Variants in GJC3 observed in about 807,000 individuals in gnomAD.
GJC3 encodes gap junction gamma-3 protein.
Under a neutral mutation model 19.8 loss-of-function variants are expected in GJC3, and 17 were observed. The observed-to-expected ratio is 0.86, with a 90% CI of 0.59 to 1.29. The LOEUF is 1.29. Ranked by LOEUF, GJC3 falls within the 50% of genes most tolerant of loss-of-function variation. The pLI is 0.00. For missense variants in GJC3, 317 were observed against 332.5 expected (o/e 0.95, Z 0.36); for synonymous variants, 140 against 136.5 (o/e 1.03, Z -0.18).
At position 99,923,405 on chromosome 7, in the gene GJC3, G is replaced by T. The variant is rs1819719954; in HGVS notation, c.*140C>A. On this transcript the variant is annotated 3_prime_UTR_variant, in exon 2 of 2. Transcript: ENST00000312891. Reference sequence around the variant, plus strand: ...GTTAGCTGAGTCATTGTATGTAGAGGTGGAGTCAAGGCAGCGCAGTCCCAG... The same window carrying T: ...GTTAGCTGAGTCATTGTATGTAGAGTTGGAGTCAAGGCAGCGCAGTCCCAG... 4.0e-6 allele frequency: 3 copies of T among 750,760 alleles called. No homozygotes were observed. Among genetic ancestry groups the T allele is most frequent in the African/African-American group, 1.7e-5 (1 of 58,684 alleles). 46.5% of individuals were successfully genotyped at this position (750,760 alleles called of 1,614,324 possible).
At position 99,923,482 on chromosome 7, in the gene GJC3, C is replaced by A. The variant is rs1387696120; in HGVS notation, c.*63G>T. 1.3e-6 allele frequency: 1 copy of A among 779,060 alleles called. No individual in the cohort carries two copies. The highest frequency in any genetic ancestry group is 2.4e-6 in the Non-Finnish European group (1 of 418,064). 48.3% of individuals were successfully genotyped at this position (779,060 alleles called of 1,614,324 possible). On this transcript the variant is annotated 3_prime_UTR_variant, in exon 2 of 2. Transcript: ENST00000312891. The stretch of plus-strand genomic sequence containing the variant: ...ACATGTATAGAAAATGGTGAATAAG[C>A]TCCTCCTTGGACAGGATTTTAAGTA...
chr7:99,926,578 G>A (rs1381053037), intron 1 of GJC3, among the ~76,000 whole-genome samples: 1 of 152,206 alleles, frequency 6.6e-6, no homozygotes, highest in Non-Finnish European at 1.5e-5. Context: ...AGCCAGACAT[G>A]AAAGACCACA....
upstream of GJC3, among the ~76,000 whole-genome samples, chr7:99,930,050 C>A (rs1252481024): frequency 6.6e-6 from 1 of 152,216 alleles, no homozygotes; most frequent in African/African-American, 2.4e-5. Context: ...AGGCCTGGTG[C>A]TCCTACAGCA....
Position 99,928,975 on chromosome 7 carries a change from C to A in GJC3, c.646G>T (p.Gly216Trp). 8 of 1,614,166 alleles carry A rather than the reference C, an allele frequency of 5.0e-6. No individual in the cohort carries two copies. Among genetic ancestry groups the A allele is most frequent in the Non-Finnish European group, 6.8e-6 (8 of 1,180,038 alleles). The stretch of plus-strand genomic sequence containing the variant: ...TGCTTCCAGGTCCTCCACCATCTCC[C>A]CAAACCCAGAAGCACAAGCTCCAAA... ...TFLELVLLGLGRWWRTWKHKS... is the reference protein window; with the variant it reads ...TFLELVLLGLWRWWRTWKHKS... The change falls in exon 1 of 2, where the codon GGG becomes TGG. Residue 216 changes from glycine (G) to tryptophan (W), a missense_variant. Transcript: ENST00000312891.
In GJC3 at chr7:99,929,298, T is replaced by C. The variant is rs1289114708; in HGVS notation, c.323A>G (p.Lys108Arg). ...HVIWHWELSG[K>R]GKEEETLIQG... ...GATCAGGGTCTCCTCCTCCTTCCCC[T>C]TTCCTGATAATTCCCAGTGCCAGAT... Residue 108 changes from lysine to arginine, a missense_variant, in exon 1 of 2, where the codon AAG (lysine) becomes AGG (arginine). Coordinates refer to ENST00000312891, the MANE Select transcript of GJC3 (RefSeq NM_181538.3). 2 of 1,614,012 alleles carry C rather than the reference T, an allele frequency of 1.2e-6. No homozygotes were observed. Among genetic ancestry groups the C allele is most frequent in the African/African-American group, 2.7e-5 (2 of 74,906 alleles).
At chr7:99,928,609 G>C (rs566789198) in intron 1 of GJC3, among the ~76,000 whole-genome samples, 2 of 152,226 alleles carry the variant, frequency 1.3e-5, no homozygotes, top group African/African-American at 4.8e-5. Flanking sequence ...GTCCTTGTTC[G>C]CTGGAAGGAA....
chr7:99,928,949 G>T lies in GJC3; in HGVS notation c.672C>A (p.His224Gln). ...GLGRWWRTWK[H>Q]KSSSSKYFLT... Reference sequence around the variant, plus strand: ...GGAAGTATTTAGAAGAGGAAGATTTGTGCTTCCAGGTCCTCCACCATCTCC... The same window carrying T: ...GGAAGTATTTAGAAGAGGAAGATTTTTGCTTCCAGGTCCTCCACCATCTCC... The change falls in exon 1 of 2, where the codon CAC (histidine) becomes CAA (glutamine). Residue 224 changes from histidine to glutamine, a missense_variant. By Grantham distance (24) the His-to-Gln change is conservative (BLOSUM62 0). Transcript: ENST00000312891. 6.2e-7 allele frequency: 1 copy of T among 1,614,122 alleles called. No individual in the cohort carries two copies. Among genetic ancestry groups the T allele is most frequent in the Non-Finnish European group, 8.5e-7 (1 of 1,180,004 alleles).
chr7:99,923,953 C>CA (rs1819737089), intron 1 of GJC3, among the ~76,000 whole-genome samples: 1 of 152,302 alleles, frequency 6.6e-6, no homozygotes, highest in Middle Eastern at 3.4e-3. Context: ...AATCTCAACT[C>CA]ACGTTGGGAA....
chr7:99,925,871 A>G (rs757713868), intron 1 of GJC3, among the ~76,000 whole-genome samples: 2 of 152,236 alleles, frequency 1.3e-5, no homozygotes, highest in Non-Finnish European at 2.9e-5. Context: ...AATTTAATAG[A>G]TAAATAAAAA....
At chr7:99,926,959 C>T (rs1819813108) in intron 1 of GJC3, among the ~76,000 whole-genome samples, 2 of 152,164 alleles carry the variant, frequency 1.3e-5, no homozygotes, top group East Asian at 1.9e-4. Flanking sequence ...GGGAGCAATC[C>T]GAGCAGCGGT....
intron 1 of GJC3, among the ~76,000 whole-genome samples, chr7:99,925,982 CCAGA>C (rs1247649157): frequency 1.3e-5 from 2 of 152,138 alleles, no homozygotes; most frequent in Non-Finnish European, 2.9e-5. Context: ...TCCTTATGAC[CCAGA>C]CATTCTATTC....
chr7:99,923,331 AAGCAATGCCTCCCTG>A lies in GJC3; in HGVS notation c.*199_*213del. Reference sequence around the variant, plus strand: ...GGAGGACACTGGGAATAATTCCCCAAAGCAATGCCTCCCTGAGCAATGGTGCAAACATGGCTTTTA... The same window carrying A: ...GGAGGACACTGGGAATAATTCCCCAAAGCAATGGTGCAAACATGGCTTTTA... On this transcript the variant is annotated 3_prime_UTR_variant, in exon 2 of 2. Coordinates refer to ENST00000312891, the MANE Select transcript of GJC3 (RefSeq NM_181538.3). 1.7e-6 allele frequency: 1 copy of A among 598,558 alleles called. No individual in the cohort carries two copies. The allele number at this position is 598,558 out of a possible 1,614,324, so 37.1% of individuals were successfully genotyped here.
At position 99,929,273 on chromosome 7, in the gene GJC3, G is replaced by A. The variant is rs768578664; in HGVS notation, c.348C>T (p.Ile116=). 5.0e-6 allele frequency: 8 copies of A among 1,614,184 alleles called. No homozygotes were observed. Among genetic ancestry groups the A allele is most frequent in the Non-Finnish European group, 6.8e-6 (8 of 1,180,030 alleles). ...CATCTGTGTTGCCCTCCCGTCCCTG[G>A]ATCAGGGTCTCCTCCTCCTTCCCCT... The part of the protein sequence containing the change: ...SGKGKEEETL[I]QGREGNTDVP... The change falls in exon 1 of 2, where the codon ATC becomes ATT. Residue 116 remains isoleucine, a synonymous_variant. Coordinates refer to ENST00000312891, the MANE Select transcript of GJC3 (RefSeq NM_181538.3).
chr7:99,926,204 C>T (rs550946360), intron 1 of GJC3, among the ~76,000 whole-genome samples: 2 of 152,038 alleles, frequency 1.3e-5, no homozygotes, highest in Admixed American at 1.3e-4. Flanking sequence ...TGTGGTGGTG[C>T]GCACCTGTAG....
chr7:99,930,507 A>G (rs2115596739), upstream of GJC3, among the ~76,000 whole-genome samples: 1 of 152,250 alleles, frequency 6.6e-6, no homozygotes, highest in Middle Eastern at 3.4e-3. Context: ...CAGCCAAAAT[A>G]CCACAATGCT....
At position 99,929,258 on chromosome 7, in the gene GJC3, G is replaced by A; in HGVS notation, c.363C>T (p.Gly121=). ...EEETLIQGRE[G]NTDVPGAGSL... ...TTCCAGCCCCTGGGACATCTGTGTTGCCCTCCCGTCCCTGGATCAGGGTCT... is the reference window on the plus strand; with the variant it reads ...TTCCAGCCCCTGGGACATCTGTGTTACCCTCCCGTCCCTGGATCAGGGTCT... Residue 121 remains glycine, a synonymous_variant, in exon 1 of 2, where the codon GGC becomes GGT. Coordinates refer to ENST00000312891, the MANE Select transcript of GJC3 (RefSeq NM_181538.3). 1 of 1,614,156 alleles carries A rather than the reference G, an allele frequency of 6.2e-7. No homozygotes were observed. Among genetic ancestry groups the A allele is most frequent in the Non-Finnish European group, 8.5e-7 (1 of 1,180,018 alleles).
upstream of GJC3, chr7:99,929,703 C>G: frequency 7.3e-7 from 1 of 1,364,116 alleles, no homozygotes; most frequent in East Asian, 2.5e-5. Context: ...CACTCCTAAT[C>G]CAAGGATCAC....
At chr7:99,925,828 G>T (rs1426230768) in intron 1 of GJC3, among the ~76,000 whole-genome samples, 1 of 152,198 alleles carries the variant, frequency 6.6e-6, no homozygotes, top group Non-Finnish European at 1.5e-5. Context: ...AAACTACAAT[G>T]AGATACCACT....
At chr7:99,924,603 A>C (rs113056209) in intron 1 of GJC3, among the ~76,000 whole-genome samples, 1 of 152,178 alleles carries the variant, frequency 6.6e-6, no homozygotes, top group Non-Finnish European at 1.5e-5. Flanking sequence ...GTGAGTAGTT[A>C]TATTTCCCCT....
Sources: allele counts gnomAD v4.1 joint callset (sites outside exome capture counted in the v4.1 genomes callset), GRCh38; gene constraint gnomAD v4.1.1; transcripts MANE v1.5; gene names NCBI Gene and HGNC (gene_info 2026-07-23, HGNC 2026-07-21).